The following GSDME variants were observed in gnomAD, a reference collection of about 807,000 sequenced individuals.
The protein encoded by GSDME is gasdermin E.
Under a neutral mutation model 47.5 loss-of-function variants are expected in GSDME, and 44 were observed. That is an observed-to-expected ratio of 0.93 (90% CI 0.73 to 1.19). The LOEUF is 1.19. Ranked by LOEUF, GSDME falls within the 50% of genes most tolerant of loss-of-function variation. The pLI is 0.00. For synonymous variants in GSDME, 258 were observed against 252.8 expected, an observed-to-expected ratio of 1.02 and a Z score of -0.20; for missense variants, 663 against 604.2, an observed-to-expected ratio of 1.10 and a Z score of -1.02.
intron 3 of GSDME, among the ~76,000 whole-genome samples, chr7:24,730,008 T>G (rs541503005): frequency 6.6e-6 from 1 of 152,270 alleles, no homozygotes; most frequent in East Asian, 1.9e-4. Flanking sequence ...CAGAATCAAC[T>G]GGTAAGAGAC....
At chr7:24,718,535 G>A (rs1434563916) in intron 4 of GSDME, among the ~76,000 whole-genome samples, 1 of 152,190 alleles carries the variant, frequency 6.6e-6, no homozygotes, top group Non-Finnish European at 1.5e-5. Context: ...GAGGCTCTAG[G>A]GATTCTTTTG....
chr7:24,707,685 C>CAG (rs1789170104), intron 7 of GSDME: 1 of 50,906 alleles, frequency 2.0e-5, no homozygotes, highest in African/African-American at 5.8e-4. Context: ...AAGGAGAAGA[C>CAG]ACACACACAC....
the GSDME span, among the ~76,000 whole-genome samples, chr7:24,776,535 C>A: frequency 6.6e-6 from 1 of 152,164 alleles, no homozygotes; most frequent in Admixed American, 6.5e-5. Flanking sequence ...TATTTTGAAG[C>A]AAATCCTAGG....
intron 3 of GSDME, among the ~76,000 whole-genome samples, chr7:24,722,613 C>T (rs932866253): frequency 2.6e-5 from 4 of 152,152 alleles, no homozygotes; most frequent in Non-Finnish European, 5.9e-5. Context: ...TCTGATGTGA[C>T]TCTGCTGGAT....
chr7:24,731,509 A>G (rs758528504), intron 3 of GSDME, among the ~76,000 whole-genome samples: 8 of 152,248 alleles, frequency 5.3e-5, no homozygotes, highest in Non-Finnish European at 1.2e-4. Context: ...TGGAAACGCC[A>G]AGGACTTCGC....
Position 24,719,138 on chromosome 7 carries a change from A to G in GSDME, c.485T>C (p.Ile162Thr). 6.2e-7 allele frequency: 1 copy of G among 1,613,918 alleles called. No homozygotes were observed. The highest frequency in any genetic ancestry group is 8.5e-7 in the Non-Finnish European group (1 of 1,180,012). ...GATCACACACTTCTGCATCGTCGTG[A>G]TCTTCTGTGTCAAAACGCACAGGAC... Reference protein sequence around the residue: ...NEVLCVLTQKITTMQKCVISE... With the variant: ...NEVLCVLTQKTTTMQKCVISE... The change falls in exon 4 of 10, where the codon ATC becomes ACC. Residue 162 changes from isoleucine to threonine, a missense_variant. Physicochemically the swap from Ile to Thr is moderately conservative, Grantham distance 89. Transcript: ENST00000645220.
In GSDME at chr7:24,736,934, C is replaced by G. The variant is rs1790324884; in HGVS notation, c.404+7628G>C. ...AATGACCAGTGAGTCAATGACGACA[C>G]TAAGAAAAATTGAAATTTTATTGAA... On this transcript the variant is annotated intron_variant, in intron 3 of 9. Coordinates refer to ENST00000645220, the MANE Select transcript of GSDME (RefSeq NM_001127453.2). This position sits in a 1 kb window ranked among gnomAD's most constrained non-coding sequence, Gnocchi z 4.6. Among the ~76,000 whole-genome samples the G allele has an allele frequency of 1.3e-5, 2 of 152,022 alleles. No homozygotes were observed. The highest frequency in any genetic ancestry group is 2.9e-5 in the Non-Finnish European group (2 of 67,976).
chr7:24,706,446 C>T, intron 7 of GSDME, 70 bp from the exon 8 acceptor site: 2 of 1,466,894 alleles, frequency 1.4e-6, no homozygotes, highest in Non-Finnish European at 1.9e-6. Context: ...GGCCTCCGCT[C>T]ACAGTACACA....
chr7:24,747,206 C>T (rs1217679466), intron 2 of GSDME, among the ~76,000 whole-genome samples: 1 of 152,198 alleles, frequency 6.6e-6, no homozygotes, highest in East Asian at 1.9e-4. Flanking sequence ...AGTTATTTCA[C>T]CGTTCGATAG....
the GSDME span, among the ~76,000 whole-genome samples, chr7:24,791,794 A>G: frequency 3.9e-5 from 6 of 152,224 alleles, no homozygotes; most frequent in South Asian, 1.2e-3. The surrounding 1 kb of genome is among the most constrained non-coding windows in gnomAD (Gnocchi z 4.8). Context: ...ACAAGGGCTG[A>G]CTTATTGATA....
In GSDME at chr7:24,756,002, T is replaced by C. The variant is rs1282405402; in HGVS notation, c.-20+1394A>G. Among the ~76,000 whole-genome samples, 1 of 152,246 alleles carries C rather than the reference T, an allele frequency of 6.6e-6. No homozygotes were observed. The highest frequency in any genetic ancestry group is 1.5e-5 in the Non-Finnish European group (1 of 68,042). Reference sequence around the variant, plus strand: ...CTATTAAATTAGAACAGAGGTGGCATCTTTTATCTTCCTATCCCTACAGCC... The same window carrying C: ...CTATTAAATTAGAACAGAGGTGGCACCTTTTATCTTCCTATCCCTACAGCC... On this transcript the variant is annotated intron_variant, in intron 1 of 9. Coordinates refer to ENST00000645220, the MANE Select transcript of GSDME (RefSeq NM_001127453.2). The surrounding 1 kb of genome is among the most constrained non-coding windows in gnomAD (Gnocchi z 4.2).
rs537829655 is a variant in GSDME, at chr7:24,702,539, C to T, written c.1257+221G>A. ...GAAAGACAAGGATGAAGTCCTGGAC[C>T]TGCTAACAAGTTATTTGGACAAATC... On this transcript the variant is annotated intron_variant, in intron 9 of 9. Coordinates refer to ENST00000645220, the MANE Select transcript of GSDME (RefSeq NM_001127453.2). 2.2e-5 allele frequency: 11 copies of T among 495,876 alleles called. No individual in the cohort carries two copies. In the Admixed American group the frequency reaches 2.5e-4, roughly 11 times the overall value. 30.7% of individuals were successfully genotyped at this position (495,876 alleles called of 1,614,324 possible). A position where few individuals can be genotyped will look rare whatever the true frequency, so the allele number is the denominator to read the frequency against.
the GSDME span, among the ~76,000 whole-genome samples, chr7:24,778,494 G>C: frequency 4.3e-4 from 65 of 152,322 alleles, no homozygotes; most frequent in African/African-American, 1.4e-3. This position sits in a 1 kb window ranked among gnomAD's most constrained non-coding sequence, Gnocchi z 5.6. Context: ...GTCCCAGTTT[G>C]TCCAAGGCTG....
At chr7:24,758,633 G>C (rs79350137), upstream of GSDME, among the ~76,000 whole-genome samples, 1 of 152,196 alleles carries the variant, frequency 6.6e-6, no homozygotes, top group Admixed American at 6.5e-5. This position sits in a 1 kb window ranked among gnomAD's most constrained non-coding sequence, Gnocchi z 4.6. Context: ...GCCCGGCAGC[G>C]CTTTCCCTTG....
intron 4 of GSDME, 148 bp from the exon 5 acceptor site, chr7:24,717,522 G>A (rs1789614178): frequency 8.0e-7 from 1 of 1,255,996 alleles, no homozygotes; most frequent in Non-Finnish European, 1.1e-6. Context: ...AGCCAGCATG[G>A]GGGATGGGGG....
chr7:24,710,139 C>T (rs1236195646), intron 6 of GSDME, 85 bp downstream of exon 6: 33 of 1,436,598 alleles, frequency 2.3e-5, no homozygotes, highest in Non-Finnish European at 2.8e-5. Context: ...TGAGGGGTCA[C>T]TGATGCTGAA....
chr7:24,723,060 C>G (rs567742723), intron 3 of GSDME, among the ~76,000 whole-genome samples: 4 of 152,250 alleles, frequency 2.6e-5, no homozygotes, highest in Non-Finnish European at 5.9e-5. Flanking sequence ...CCGGAAACTG[C>G]AGGCATCATC....
chr7:24,782,508 G>A, the GSDME span, among the ~76,000 whole-genome samples: 2 of 152,190 alleles, frequency 1.3e-5, no homozygotes, highest in South Asian at 2.1e-4. Flanking sequence ...GCTATTGTGA[G>A]TAGTGCCACA....
chr7:24,703,456 T>G (rs1004966413), intron 8 of GSDME: 22 of 166,572 alleles, frequency 1.3e-4, no homozygotes, highest in Non-Finnish European at 6.6e-5. Flanking sequence ...GGGAAGGGAA[T>G]GCCAGATCAG....
Sources: gnomAD v4.1 joint callset for allele counts (sites outside exome capture counted in the v4.1 genomes callset) on GRCh38, gnomAD v4.1.1 for gene constraint, Gnocchi (gnomAD v3.1) non-coding constraint, MANE v1.5 for transcripts, NCBI Gene and HGNC (gene_info 2026-07-23, HGNC 2026-07-21) for gene names.